Variants in GRIK2 observed in about 807,000 individuals in gnomAD.
GRIK2 encodes glutamate receptor ionotropic, kainate 2.
In GRIK2, 32 loss-of-function variants were observed where a neutral mutation model predicts 100.3. The observed-to-expected ratio is 0.32, with a 90% confidence interval of 0.24 to 0.43. The LOEUF (loss-of-function observed/expected upper bound fraction) is 0.43. GRIK2 is among the 20% of genes least tolerant of loss of function. The probability of loss-of-function intolerance (pLI) is 1.00; values close to 1 mark genes in which losing one functional copy is unlikely to be tolerated. For missense variants in GRIK2, 843 were observed against 1,114.9 expected (o/e 0.76, Z 3.47); for synonymous variants, 417 against 389.4 (o/e 1.07, Z -0.83).
chr6:101,945,243 A>G (rs1002957663), intron 14 of GRIK2, among the ~76,000 whole-genome samples: 4 of 152,140 alleles, frequency 2.6e-5, no homozygotes, highest in Admixed American at 2.0e-4. Context: ...TAGTGTCTGA[A>G]TTGAGATATG....
chr6:101,911,871 T>C (rs1307581367), intron 12 of GRIK2, among the ~76,000 whole-genome samples: 1 of 151,516 alleles, frequency 6.6e-6, no homozygotes, highest in Non-Finnish European at 1.5e-5. Context: ...TCATGAGCTT[T>C]AATTGCATTA....
intron 11 of GRIK2, among the ~76,000 whole-genome samples, chr6:101,883,012 A>T (rs1264393946): frequency 6.6e-6 from 1 of 151,298 alleles, no homozygotes; most frequent in Non-Finnish European, 1.5e-5. Context: ...CTCATTTTTT[A>T]AAATTATTTT....
intron 7 of GRIK2, among the ~76,000 whole-genome samples, chr6:101,780,081 G>C (rs976132744): frequency 7.9e-5 from 12 of 152,084 alleles, no homozygotes; most frequent in African/African-American, 2.9e-4. Context: ...GGTTAAATTA[G>C]AGTTATGTTG....
At chr6:101,913,098 AAGAC>A (rs1221956832) in intron 12 of GRIK2, among the ~76,000 whole-genome samples, 1 of 151,650 alleles carries the variant, frequency 6.6e-6, no homozygotes, top group Non-Finnish European at 1.5e-5. Flanking sequence ...GATCACAAAA[AAGAC>A]AGGTAGACTG....
At chr6:101,725,759 A>G (rs913429327) in intron 7 of GRIK2, among the ~76,000 whole-genome samples, 3 of 152,124 alleles carry the variant, frequency 2.0e-5, no homozygotes, top group South Asian at 2.1e-4. Context: ...AATTCAAGAG[A>G]GTATCATTTT....
intron 4 of GRIK2, among the ~76,000 whole-genome samples, chr6:101,651,133 A>G (rs1179123682): frequency 1.3e-5 from 2 of 151,512 alleles, no homozygotes; most frequent in African/African-American, 4.8e-5. Context: ...ATTATGATCA[A>G]TTTTCCCCAG....
intron 15 of GRIK2, among the ~76,000 whole-genome samples, chr6:102,041,613 TGAA>T (rs1176815022): frequency 6.6e-6 from 1 of 151,570 alleles, no homozygotes; most frequent in Admixed American, 6.6e-5. Flanking sequence ...GGATGAAACC[TGAA>T]GAAGTTACTG....
intron 16 of GRIK2, among the ~76,000 whole-genome samples, chr6:102,066,475 A>T: frequency 6.6e-6 from 1 of 151,536 alleles, no homozygotes; most frequent in Non-Finnish European, 1.5e-5. Context: ...AACAAAATCA[A>T]GTTGTGAAAA....
intron 7 of GRIK2, among the ~76,000 whole-genome samples, chr6:101,709,220 A>G (rs1170379357): frequency 1.3e-5 from 2 of 151,698 alleles, no homozygotes; most frequent in African/African-American, 4.8e-5. Flanking sequence ...GCAAAACACC[A>G]GAAACTATGA....
At chr6:101,942,109 A>C (rs945839003) in intron 14 of GRIK2, among the ~76,000 whole-genome samples, 1 of 152,186 alleles carries the variant, frequency 6.6e-6, no homozygotes, top group African/African-American at 2.4e-5. Context: ...AAAAAAAAAC[A>C]CAGATTTATT....
intron 14 of GRIK2, among the ~76,000 whole-genome samples, chr6:102,004,221 GT>G (rs1351391341): frequency 7.1e-6 from 1 of 140,920 alleles, no homozygotes; most frequent in Non-Finnish European, 1.5e-5. Flanking sequence ...TGCTACTCTT[GT>G]TCAGTATGCT....
intron 14 of GRIK2, among the ~76,000 whole-genome samples, chr6:101,951,935 A>G (rs1323363485): frequency 6.6e-6 from 1 of 152,202 alleles, no homozygotes; most frequent in Non-Finnish European, 1.5e-5. Context: ...GAGTCCCACA[A>G]TGTAATATCA....
intron 14 of GRIK2, among the ~76,000 whole-genome samples, chr6:102,027,090 G>A (rs1769744695): frequency 6.6e-6 from 1 of 151,238 alleles, no homozygotes; most frequent in Non-Finnish European, 1.5e-5. Context: ...CTTGCTATGA[G>A]CATTAGGGCT....
intron 7 of GRIK2, among the ~76,000 whole-genome samples, chr6:101,738,684 C>T (rs1363321149): frequency 3.3e-5 from 5 of 152,232 alleles, no homozygotes; most frequent in Non-Finnish European, 5.9e-5. Flanking sequence ...GCACTACTGA[C>T]AATTTGGCTA....
intron 2 of GRIK2, among the ~76,000 whole-genome samples, chr6:101,521,257 A>G (rs1475569791): frequency 6.6e-6 from 1 of 151,402 alleles, no homozygotes; most frequent in Non-Finnish European, 1.5e-5. Flanking sequence ...TATATAGTAA[A>G]CCTTAATGTG....
intron 2 of GRIK2, among the ~76,000 whole-genome samples, chr6:101,614,280 C>G (rs1779802348): frequency 6.6e-6 from 1 of 151,602 alleles, no homozygotes. Context: ...TTCTTCTTGT[C>G]CATTTTCTTT....
At chr6:101,847,336 T>A in intron 10 of GRIK2, among the ~76,000 whole-genome samples, 1 of 149,868 alleles carries the variant, frequency 6.7e-6, no homozygotes. Flanking sequence ...TTTTTCACTT[T>A]TTTTTGGTTA....
chr6:101,949,768 G>T (rs771711833), intron 14 of GRIK2, among the ~76,000 whole-genome samples: 3 of 152,070 alleles, frequency 2.0e-5, no homozygotes, highest in Non-Finnish European at 2.9e-5. Context: ...TGGGCATTTG[G>T]GTTGGTTCCA....
intron 2 of GRIK2, among the ~76,000 whole-genome samples, chr6:101,534,419 C>G (rs1775590961): frequency 6.6e-6 from 1 of 151,770 alleles, no homozygotes; most frequent in South Asian, 2.1e-4. Context: ...TTTTCTTACC[C>G]ACAGAATATT....
Sources: allele counts gnomAD v4.1 joint callset (sites outside exome capture counted in the v4.1 genomes callset), GRCh38; gene constraint gnomAD v4.1.1; transcripts MANE v1.5; gene names NCBI Gene and HGNC (gene_info 2026-07-23, HGNC 2026-07-21).